The following SYNE2 variants were observed in gnomAD, a reference collection of about 807,000 sequenced individuals.
The protein encoded by SYNE2 is spectrin repeat containing nuclear envelope protein 2, also known as nesprin-2.
In SYNE2, 431 loss-of-function variants were observed where a neutral mutation model predicts 856.3. That is an observed-to-expected ratio of 0.50 (90% CI 0.47 to 0.55). The LOEUF is 0.55. Ranked by LOEUF, SYNE2 falls within the 20% of genes least tolerant of loss-of-function variation. SYNE2 has a pLI of 0.00. For missense variants in SYNE2, 8,129 were observed against 8,023.2 expected, an observed-to-expected ratio of 1.01 and a Z score of -0.50; for synonymous variants, 2,923 against 2,872.3, an observed-to-expected ratio of 1.02 and a Z score of -0.56.
chr14:64,183,018 TGCCCCCG>T, intron 96 of SYNE2, among the ~76,000 whole-genome samples: 1 of 91,580 alleles, frequency 1.1e-5, no homozygotes, highest in African/African-American at 7.8e-5. Context: ...AGGCGGGGGC[TGCCCCCG>T]CCTCCCTCCC....
In SYNE2 at chr14:64,098,641, G is replaced by A. The variant is rs2097696534; in HGVS notation, c.12307-106G>A. The A allele has an allele frequency of 4.2e-6, 5 of 1,186,340 alleles. No individual in the cohort carries two copies. In the South Asian group the frequency reaches 6.5e-5, roughly 15 times the overall value. The allele number at this position is 1,186,340 out of a possible 1,614,324, so 73.5% of individuals were successfully genotyped here. The stretch of plus-strand genomic sequence containing the variant: ...GCTTCTTGTGGGGGTGGGCATCTTG[G>A]ATAAAGTAAGTAAAAAATTAGCTAC... On this transcript the variant is annotated intron_variant, in intron 62 of 115. Transcript: ENST00000555002.
At chr14:64,137,011 C>T (rs2153687190) in intron 78 of SYNE2, among the ~76,000 whole-genome samples, 1 of 152,286 alleles carries the variant, frequency 6.6e-6, no homozygotes, top group East Asian at 1.9e-4. Context: ...CCAACAATTG[C>T]TAGGTCTTCC....
intron 1 of SYNE2, among the ~76,000 whole-genome samples, chr14:63,769,585 C>T (rs886956116): frequency 1.3e-5 from 2 of 149,278 alleles, no homozygotes; most frequent in African/African-American, 2.5e-5. Context: ...AGGTGAATGG[C>T]GTGAACCCGG....
chr14:63,994,930 A>G, intron 22 of SYNE2, 114 bp from the exon 23 acceptor site: 2 of 667,754 alleles, frequency 3.0e-6, no homozygotes, highest in South Asian at 1.9e-5. Context: ...TCAGAATGGC[A>G]CTTAAGCTTT....
At position 64,163,450 on chromosome 14, in the gene SYNE2, T is replaced by G. The variant is rs916780390; in HGVS notation, c.16348T>G (p.Ser5450Ala). ...AACAAAAGAAGCCTTTCTCCAAAATTCCAGTGTCCTGGATCGACTCCCACA... is the reference window on the plus strand; with the variant it reads ...AACAAAAGAAGCCTTTCTCCAAAATGCCAGTGTCCTGGATCGACTCCCACA... ...QKTKEAFLQN[S>A]SVLDRLPQPA... Residue 5450 changes from serine (S) to alanine (A), a missense_variant, in exon 89 of 116, where the codon TCC becomes GCC. Coordinates refer to ENST00000555002, the MANE Select transcript of SYNE2 (RefSeq NM_182914.3). 107 of 1,614,102 alleles carry G rather than the reference T, an allele frequency of 6.6e-5. No homozygotes were observed. Among genetic ancestry groups the G allele is most frequent in the Non-Finnish European group, 8.7e-5 (103 of 1,180,014 alleles).
At chr14:63,819,673 A>T (rs1195735587) in intron 1 of SYNE2, among the ~76,000 whole-genome samples, 3 of 151,790 alleles carry the variant, frequency 2.0e-5, no homozygotes, top group Non-Finnish European at 4.4e-5. Context: ...AGTAGCTGGG[A>T]CTACAGGCGC....
At chr14:64,039,129 A>C (rs1376401323) in intron 45 of SYNE2, among the ~76,000 whole-genome samples, 2 of 152,218 alleles carry the variant, frequency 1.3e-5, no homozygotes, top group African/African-American at 4.8e-5. Context: ...GTGATGATGT[A>C]TGCTTATGCA....
intron 45 of SYNE2, among the ~76,000 whole-genome samples, chr14:64,042,828 A>T (rs1595090399): frequency 6.6e-6 from 1 of 152,292 alleles, no homozygotes; most frequent in East Asian, 1.9e-4. Context: ...TAATACCGTA[A>T]ATAGGTACCA....
At chr14:63,834,679 T>C (rs1212600044) in intron 1 of SYNE2, among the ~76,000 whole-genome samples, 2 of 148,028 alleles carry the variant, frequency 1.4e-5, no homozygotes, top group Non-Finnish European at 3.0e-5. Context: ...TCTCACTCTG[T>C]TGCCAGGCTG....
At chr14:64,030,390 G>A (rs1199304644) in intron 44 of SYNE2, among the ~76,000 whole-genome samples, 1 of 152,176 alleles carries the variant, frequency 6.6e-6, no homozygotes, top group African/African-American at 2.4e-5. Context: ...GAATGATTGA[G>A]TGAATGCTTC....
At chr14:63,850,648 T>C (rs1890379418), upstream of SYNE2, among the ~76,000 whole-genome samples, 1 of 152,206 alleles carries the variant, frequency 6.6e-6, no homozygotes, top group South Asian at 2.1e-4. Flanking sequence ...GATTTAAAAG[T>C]ATGTATTAAT....
At chr14:64,199,163 C>G (rs10145970) in intron 99 of SYNE2, among the ~76,000 whole-genome samples, 9,609 of 152,254 alleles carry the variant, frequency 0.063, 538 homozygotes, top group African/African-American at 0.14. Context: ...AGCTCCTACC[C>G]CTCAGTGTAT....
chr14:63,886,192 AACAT>A (rs2094980887), intron 1 of SYNE2, among the ~76,000 whole-genome samples: 1 of 152,204 alleles, frequency 6.6e-6, no homozygotes, highest in Non-Finnish European at 1.5e-5. Flanking sequence ...TACCTACAAA[AACAT>A]ACATACAGGG....
chr14:64,140,917 C>T (rs903629322), intron 80 of SYNE2, among the ~76,000 whole-genome samples: 1 of 151,314 alleles, frequency 6.6e-6, no homozygotes, highest in East Asian at 1.9e-4. Context: ...ATTTTTCATA[C>T]TTCGTAGCTA....
Position 63,803,583 on chromosome 14 carries a change from C to T in SYNE2, c.-305+41597C>T, listed in dbSNP as rs532558217. Among the ~76,000 whole-genome samples, 27 of 152,322 alleles carry T rather than the reference C, an allele frequency of 1.8e-4. No individual in the cohort carries two copies. The South Asian group carries it at 4.4e-3, about 25-fold the overall frequency. ...GTGCGGGGCCCGCCAAGCCCATGCCCGCCCGGAACTCCAGCTGGCCTGCAA... is the reference window on the plus strand; with the variant it reads ...GTGCGGGGCCCGCCAAGCCCATGCCTGCCCGGAACTCCAGCTGGCCTGCAA... On this transcript the variant is annotated intron_variant, in intron 1 of 23. Coordinates refer to the SYNE2 transcript ENST00000674003.
At chr14:64,193,641 T>C (rs1455327936) in intron 99 of SYNE2, among the ~76,000 whole-genome samples, 8 of 152,202 alleles carry the variant, frequency 5.3e-5, no homozygotes, top group Non-Finnish European at 7.3e-5. Context: ...AGGTTAAGAA[T>C]GGTTTTCAGA....
In SYNE2 at chr14:64,220,595, C is replaced by A; in HGVS notation, c.20019C>A (p.Asp6673Glu). The change falls in exon 111 of 116, where the codon GAC becomes GAA. Residue 6673 changes from aspartate to glutamate, a missense_variant. Physicochemically the swap from Asp to Glu is conservative, Grantham distance 45. This residue lies in a region of SYNE2 where 5,410 missense variants were observed against 5,284.8 expected (regional missense o/e 1.02). Coordinates refer to ENST00000555002, the MANE Select transcript of SYNE2 (RefSeq NM_182914.3). ...GGGAAGCAGCACAGGGCGCAGTGGA[C>A]AGCTGGAGAGGGGGCTTACGACAGT... is the stretch of plus-strand genomic sequence containing the variant. ...LLWEAAQGAVDSWRGGLRQSL... is the reference protein window; with the variant it reads ...LLWEAAQGAVESWRGGLRQSL... 6.2e-7 allele frequency: 1 copy of A among 1,614,176 alleles called. No individual in the cohort carries two copies. The highest frequency in any genetic ancestry group is 8.5e-7 in the Non-Finnish European group (1 of 1,180,044).
chr14:63,962,349 G>A (rs1471507742), intron 9 of SYNE2, among the ~76,000 whole-genome samples: 3 of 151,866 alleles, frequency 2.0e-5, no homozygotes, highest in Non-Finnish European at 4.4e-5. Flanking sequence ...AGCCACTGCG[G>A]CCGGCCTGTC....
chr14:63,854,427 A>T (rs946208017), intron 1 of SYNE2, among the ~76,000 whole-genome samples: 1 of 152,102 alleles, frequency 6.6e-6, no homozygotes, highest in Non-Finnish European at 1.5e-5. Flanking sequence ...TCATGCTTTA[A>T]TGCATGACTC....
Sources: allele counts gnomAD v4.1 joint callset (sites outside exome capture counted in the v4.1 genomes callset), GRCh38; gene constraint gnomAD v4.1.1; regional missense constraint gnomAD v4.1.1; transcripts MANE v1.5; gene names NCBI Gene and HGNC (gene_info 2026-07-23, HGNC 2026-07-21).